Variants in GRID1 observed in about 807,000 individuals in gnomAD.
GRID1 encodes glutamate ionotropic receptor delta type subunit 1, also known as glutamate receptor ionotropic, delta-1.
GRID1 carries 28 observed loss-of-function variants against 98.0 expected under a neutral mutation model. The ratio of observed to expected loss-of-function variants is 0.29; its 90% CI spans 0.21 to 0.39. The LOEUF is 0.39. GRID1 is among the 10% of genes least tolerant of loss of function. The pLI is 1.00. For missense variants in GRID1, 1,111 were observed against 1,340.5 expected (o/e 0.83, Z 2.67); for synonymous variants, 553 against 538.5 (o/e 1.03, Z -0.37).
At chr10:85,693,635 T>C (rs1471005662) in intron 12 of GRID1, among the ~76,000 whole-genome samples, 2 of 152,042 alleles carry the variant, frequency 1.3e-5, no homozygotes, top group South Asian at 2.1e-4. Context: ...AAGCCACATA[T>C]CTACATCCAA....
intron 8 of GRID1, among the ~76,000 whole-genome samples, chr10:85,770,084 G>A (rs1036594284): frequency 1.3e-5 from 2 of 152,132 alleles, no homozygotes; most frequent in East Asian, 3.9e-4. Flanking sequence ...CCCCAGTAGG[G>A]GCAGACTGAC....
intron 4 of GRID1, among the ~76,000 whole-genome samples, chr10:85,939,729 TC>T (rs935822954): frequency 4.3e-4 from 66 of 152,166 alleles, no homozygotes; most frequent in African/African-American, 1.5e-3. Context: ...ACCTTAATTT[TC>T]TTTCGTCCTG....
At chr10:86,119,703 C>G (rs974778061) in intron 4 of GRID1, among the ~76,000 whole-genome samples, 5 of 152,196 alleles carry the variant, frequency 3.3e-5, no homozygotes, top group African/African-American at 7.2e-5. Context: ...TCTAGGGCAT[C>G]CTGTTTCCTG....
intron 8 of GRID1, among the ~76,000 whole-genome samples, chr10:85,740,958 T>A (rs1360919837): frequency 6.6e-6 from 1 of 152,086 alleles, no homozygotes; most frequent in Non-Finnish European, 1.5e-5. Flanking sequence ...TTCACCATGT[T>A]AACCAGGCTG....
At position 85,794,277 on chromosome 10, in the gene GRID1, A is replaced by G. The variant is rs537300034; in HGVS notation, c.1233+60219T>C. On this transcript the variant is annotated intron_variant, in intron 8 of 15. Coordinates refer to ENST00000327946, the MANE Select transcript of GRID1 (RefSeq NM_017551.3). The stretch of plus-strand genomic sequence containing the variant: ...TTTTAGCTGCTTAATATGATCAGTA[A>G]CCTAATCATTTATATGATTTATAAC... Among the ~76,000 whole-genome samples, 13 of 152,328 alleles carry G rather than the reference A, an allele frequency of 8.5e-5. No homozygotes were observed. The South Asian group carries it at 2.5e-3, about 29-fold the overall frequency.
intron 2 of GRID1, among the ~76,000 whole-genome samples, chr10:86,296,216 G>A (rs1425195313): frequency 6.6e-6 from 1 of 152,192 alleles, no homozygotes; most frequent in Non-Finnish European, 1.5e-5. Flanking sequence ...AAAATTCTGT[G>A]ACAAGAAGGA....
rs1385606829 is a variant in GRID1, at chr10:86,206,170, C to A, written c.520+194G>T. Among the ~76,000 whole-genome samples, 1 of 152,166 alleles carries A rather than the reference C, an allele frequency of 6.6e-6. No homozygotes were observed. Among genetic ancestry groups the A allele is most frequent in the African/African-American group, 2.4e-5 (1 of 41,416 alleles). ...ATGATAAGGTGTTGTTGCTAGGCAA[C>A]TTTATACCTATCTATGGAGCTGTTG... is the stretch of plus-strand genomic sequence containing the variant. On this transcript the variant is annotated intron_variant, in intron 3 of 15. Transcript: ENST00000327946. This position sits in a 1 kb window ranked among gnomAD's most constrained non-coding sequence, Gnocchi z 4.1.
At chr10:85,841,170 C>G (rs1195446024) in intron 8 of GRID1, among the ~76,000 whole-genome samples, 1 of 151,882 alleles carries the variant, frequency 6.6e-6, no homozygotes, top group East Asian at 1.9e-4. Flanking sequence ...AAAAGAAAAC[C>G]CACAAATAAG....
chr10:86,330,062 C>T (rs1049722026), intron 2 of GRID1, among the ~76,000 whole-genome samples: 1 of 152,150 alleles, frequency 6.6e-6, no homozygotes, highest in Non-Finnish European at 1.5e-5. Flanking sequence ...CCTTCCCCTC[C>T]CCCATCCCAG....
intron 4 of GRID1, among the ~76,000 whole-genome samples, chr10:86,013,828 A>G (rs1378326618): frequency 6.6e-6 from 1 of 152,208 alleles, no homozygotes; most frequent in Non-Finnish European, 1.5e-5. Flanking sequence ...ACGTGTATAT[A>G]TGGTAGAAAA....
At chr10:86,151,011 G>C (rs948787591) in intron 3 of GRID1, among the ~76,000 whole-genome samples, 1 of 152,140 alleles carries the variant, frequency 6.6e-6, no homozygotes, top group Non-Finnish European at 1.5e-5. Flanking sequence ...GTCTTATCCA[G>C]GTCTGACTTC....
At chr10:85,737,368 G>A (rs2132668161) in intron 8 of GRID1, among the ~76,000 whole-genome samples, 1 of 152,020 alleles carries the variant, frequency 6.6e-6, no homozygotes, top group South Asian at 2.1e-4. Context: ...GGAGAGAAAG[G>A]CAATGAAAAC....
chr10:86,152,986 A>G (rs527909005), intron 3 of GRID1, among the ~76,000 whole-genome samples: 2 of 152,326 alleles, frequency 1.3e-5, no homozygotes, highest in Admixed American at 1.3e-4. Flanking sequence ...CTGTCTTTGA[A>G]GGGACAGTGG....
At chr10:85,970,256 C>T (rs1039315933) in intron 4 of GRID1, among the ~76,000 whole-genome samples, 1 of 151,990 alleles carries the variant, frequency 6.6e-6, no homozygotes, top group African/African-American at 2.4e-5. Flanking sequence ...AGATTTAATG[C>T]CATGCCTTCA....
At chr10:85,703,313 C>T (rs1171664123) in intron 12 of GRID1, among the ~76,000 whole-genome samples, 3 of 151,948 alleles carry the variant, frequency 2.0e-5, no homozygotes, top group Non-Finnish European at 4.4e-5. Context: ...TGAACAGCGG[C>T]TAAATCATAG....
intron 8 of GRID1, among the ~76,000 whole-genome samples, chr10:85,836,225 A>G (rs1842910224): frequency 6.6e-6 from 1 of 152,188 alleles, no homozygotes; most frequent in African/African-American, 2.4e-5. Context: ...GAAACAAAAT[A>G]TTGTTCTTCA....
chr10:85,769,568 A>G (rs1590223503), intron 8 of GRID1, among the ~76,000 whole-genome samples: 1 of 152,248 alleles, frequency 6.6e-6, no homozygotes, highest in East Asian at 1.9e-4. Context: ...TCCCTTTCCG[A>G]GTCAAAGAAA....
chr10:85,984,749 C>A (rs1369676111), intron 4 of GRID1, among the ~76,000 whole-genome samples: 1 of 152,132 alleles, frequency 6.6e-6, no homozygotes, highest in African/African-American at 2.4e-5. Context: ...GATCAAGACT[C>A]CTAGTCCCCT....
At chr10:85,889,413 A>G (rs1939882293) in intron 5 of GRID1, among the ~76,000 whole-genome samples, 1 of 152,170 alleles carries the variant, frequency 6.6e-6, no homozygotes, top group South Asian at 2.1e-4. Context: ...TTTAGATTCC[A>G]CTTGAGTGAG....
Sources: gnomAD v4.1 joint callset for allele counts (sites outside exome capture counted in the v4.1 genomes callset) on GRCh38, gnomAD v4.1.1 for gene constraint, Gnocchi (gnomAD v3.1) non-coding constraint, MANE v1.5 for transcripts, NCBI Gene and HGNC (gene_info 2026-07-23, HGNC 2026-07-21) for gene names.